Variants in SORCS3 observed in about 807,000 individuals in gnomAD.
The protein encoded by SORCS3 is sortilin related VPS10 domain containing receptor 3, also known as VPS10 domain-containing receptor SorCS3.
SORCS3 carries 57 observed loss-of-function variants against 146.3 expected under a neutral mutation model. The ratio of observed to expected loss-of-function variants is 0.39; its 90% CI spans 0.31 to 0.49. The LOEUF is 0.49. SORCS3 is among the 20% of genes least tolerant of loss of function. The probability of loss-of-function intolerance (pLI) is 0.92; values close to 1 mark genes in which losing one functional copy is unlikely to be tolerated. For missense variants in SORCS3, 1,341 were observed against 1,575.5 expected, an observed-to-expected ratio of 0.85 and a Z score of 2.52; for synonymous variants, 653 against 618.5, an observed-to-expected ratio of 1.06 and a Z score of -0.83.
chr10:105,151,479 C>T (rs1159954351), intron 9 of SORCS3, among the ~76,000 whole-genome samples: 3 of 152,090 alleles, frequency 2.0e-5, no homozygotes, highest in African/African-American at 7.2e-5. Context: ...GACATTACAC[C>T]TGTTTCCCCT....
chr10:104,729,173 A>T (rs2016677809), intron 1 of SORCS3, among the ~76,000 whole-genome samples: 1 of 152,264 alleles, frequency 6.6e-6, no homozygotes, highest in Non-Finnish European at 1.5e-5. Flanking sequence ...AATAGTAGTC[A>T]CTAGGAATCA....
intron 14 of SORCS3, among the ~76,000 whole-genome samples, chr10:105,198,429 T>G (rs1304166668): frequency 1.3e-5 from 2 of 152,206 alleles, no homozygotes; most frequent in Non-Finnish European, 2.9e-5. Flanking sequence ...TTGATGAGGC[T>G]TATCAGTTTA....
chr10:105,257,023 T>G, intron 25 of SORCS3, 99 bp downstream of exon 25: 2 of 850,552 alleles, frequency 2.4e-6, no homozygotes, highest in Non-Finnish European at 3.9e-6. Flanking sequence ...AGAATGTGAT[T>G]TTTAATTCTC....
intron 1 of SORCS3, among the ~76,000 whole-genome samples, chr10:104,668,916 A>G (rs893671911): frequency 8.5e-5 from 13 of 152,226 alleles, no homozygotes; most frequent in African/African-American, 2.9e-4. Context: ...CTGTTAAAGC[A>G]AATTAAACAG....
At chr10:104,686,074 A>G (rs183306844) in intron 1 of SORCS3, among the ~76,000 whole-genome samples, 7 of 152,142 alleles carry the variant, frequency 4.6e-5, no homozygotes, top group African/African-American at 7.2e-5. Context: ...GAAGTGGATG[A>G]AGTGGAATGA....
chr10:104,787,505 T>C (rs1027556906), intron 1 of SORCS3, among the ~76,000 whole-genome samples: 21 of 152,246 alleles, frequency 1.4e-4, no homozygotes, highest in African/African-American at 4.8e-4. Flanking sequence ...TTAGGCAACC[T>C]GGGGAGAGCA....
chr10:104,799,471 A>G (rs1377741328), intron 1 of SORCS3, among the ~76,000 whole-genome samples: 1 of 152,088 alleles, frequency 6.6e-6, no homozygotes, highest in African/African-American at 2.4e-5. Context: ...ACATGTTCTC[A>G]ATCATAAGTG....
intron 1 of SORCS3, among the ~76,000 whole-genome samples, chr10:104,678,799 T>C (rs1047124472): frequency 1.3e-5 from 2 of 152,214 alleles, no homozygotes; most frequent in South Asian, 4.1e-4. Context: ...AATAGGAACA[T>C]GCCCATCACA....
intron 4 of SORCS3, among the ~76,000 whole-genome samples, chr10:105,022,779 G>T (rs2055205703): frequency 6.6e-6 from 1 of 152,248 alleles, no homozygotes; most frequent in East Asian, 1.9e-4. Flanking sequence ...CCCAAAATGA[G>T]TTACATCCTC....
intron 1 of SORCS3, among the ~76,000 whole-genome samples, chr10:104,758,644 C>T (rs929577990): frequency 4.6e-5 from 7 of 152,134 alleles, no homozygotes; most frequent in African/African-American, 1.7e-4. Context: ...TACACTTCAT[C>T]ACTTTAAAAT....
chr10:104,929,579 G>C (rs1003652545), intron 3 of SORCS3, among the ~76,000 whole-genome samples: 1 of 152,192 alleles, frequency 6.6e-6, no homozygotes, highest in African/African-American at 2.4e-5. Context: ...CACTGAGTTG[G>C]TCCCAAAGGT....
At chr10:105,232,242 C>T (rs752660773) in intron 20 of SORCS3, among the ~76,000 whole-genome samples, 2 of 152,114 alleles carry the variant, frequency 1.3e-5, no homozygotes, top group East Asian at 1.9e-4. Flanking sequence ...ATTCAAATAA[C>T]CTTTTTCATC....
chr10:105,192,743 T>C (rs1345541074), intron 14 of SORCS3, among the ~76,000 whole-genome samples: 1 of 152,200 alleles, frequency 6.6e-6, no homozygotes, highest in African/African-American at 2.4e-5. Flanking sequence ...TTTTAGTGGC[T>C]TCCTAGGAAC....
intron 1 of SORCS3, chr10:104,665,015 T>A (rs914936995): frequency 1.3e-5 from 2 of 152,974 alleles, no homozygotes; most frequent in Non-Finnish European, 1.5e-5. Flanking sequence ...GGTGACATGT[T>A]TGAGGACTGG....
intron 7 of SORCS3, among the ~76,000 whole-genome samples, chr10:105,128,946 C>T (rs1441465780): frequency 1.3e-5 from 2 of 151,938 alleles, no homozygotes; most frequent in African/African-American, 4.8e-5. Context: ...TGAAAATAAC[C>T]CCCAAACTGC....
chr10:105,213,396 T>C (rs993913387), intron 17 of SORCS3, among the ~76,000 whole-genome samples: 4 of 152,186 alleles, frequency 2.6e-5, no homozygotes, highest in African/African-American at 9.7e-5. Flanking sequence ...CATAGATGGA[T>C]TTGTTAATTA....
chr10:105,002,554 T>A (rs925582886), intron 4 of SORCS3, among the ~76,000 whole-genome samples: 3 of 152,248 alleles, frequency 2.0e-5, no homozygotes, highest in African/African-American at 7.2e-5. Context: ...CACACGTGGC[T>A]GTAAATTAAA....
intron 2 of SORCS3, among the ~76,000 whole-genome samples, chr10:104,853,170 G>A (rs1245857421): frequency 6.6e-6 from 1 of 152,152 alleles, no homozygotes; most frequent in Non-Finnish European, 1.5e-5. Flanking sequence ...ATGGTGGCGG[G>A]CACCTGTAGT....
intron 1 of SORCS3, among the ~76,000 whole-genome samples, chr10:104,818,578 C>T (rs2017834797): frequency 6.6e-6 from 1 of 152,082 alleles, no homozygotes; most frequent in African/African-American, 2.4e-5. Context: ...TTTCCTGAGT[C>T]ACAGCTGCAG....
Sources: allele counts gnomAD v4.1 joint callset (sites outside exome capture counted in the v4.1 genomes callset), GRCh38; gene constraint gnomAD v4.1.1; transcripts MANE v1.5; gene names NCBI Gene and HGNC (gene_info 2026-07-23, HGNC 2026-07-21).